MAGEC3: variants seen among roughly 807,000 people sequenced by gnomAD.
MAGEC3 encodes MAGE family member C3, also known as melanoma-associated antigen C3.
MAGEC3 carries 34 observed loss-of-function variants against 35.3 expected under a neutral mutation model. The observed-to-expected ratio is 0.96, with a 90% CI of 0.73 to 1.28. MAGEC3 has a LOEUF of 1.28. Among genes scored for constraint, MAGEC3 ranks in the 50% most tolerant of loss-of-function variants. The probability of loss-of-function intolerance (pLI) is 0.00; values close to 1 mark genes in which losing one functional copy is unlikely to be tolerated. For missense variants in MAGEC3, 561 were observed against 483.6 expected, an observed-to-expected ratio of 1.16 and a Z score of -1.50; for synonymous variants, 202 against 185.6, an observed-to-expected ratio of 1.09 and a Z score of -0.72.
chrX:141,875,672 G>T (rs1169355446), intron 2 of MAGEC3, among the ~76,000 whole-genome samples: 2 of 111,867 alleles, frequency 1.8e-5, no homozygotes, highest in African/African-American at 3.3e-5. Flanking sequence ...CCAATACCAG[G>T]AGGTAAAAGA....
chrX:141,840,218 A>G, intron 1 of MAGEC3, among the ~76,000 whole-genome samples: 1 of 111,980 alleles, frequency 8.9e-6, no homozygotes, highest in East Asian at 2.8e-4. Context: ...CATTCATAGC[A>G]TCACAAACCA....
chrX:141,850,692 G>A (rs1018989747), intron 1 of MAGEC3, among the ~76,000 whole-genome samples: 2 of 111,444 alleles, frequency 1.8e-5, no homozygotes, highest in African/African-American at 6.5e-5. Context: ...TGGGCAGTAT[G>A]CCCCAGACAA....
intron 2 of MAGEC3, among the ~76,000 whole-genome samples, chrX:141,871,942 G>A (rs1024678514): frequency 1.6e-4 from 18 of 109,250 alleles, no homozygotes; most frequent in African/African-American, 3.3e-4. Flanking sequence ...GGCAATGAGC[G>A]GGTGCAGGGG....
chrX:141,867,745 A>C (rs1160028425), intron 2 of MAGEC3, among the ~76,000 whole-genome samples: 2 of 94,379 alleles, frequency 2.1e-5, no homozygotes, highest in Non-Finnish European at 4.4e-5. Flanking sequence ...GTCCTCCTGC[A>C]AATAGTAGAG....
chrX:141,862,198 A>C lies in MAGEC3; in HGVS notation c.124-3273A>C, dbSNP rs73238534. Among the ~76,000 whole-genome samples the C allele has an allele frequency of 4.3e-3, 478 of 111,580 alleles. 3 individuals carry two copies. Among genetic ancestry groups the C allele is most frequent in the Non-Finnish European group, 7.0e-3 (370 of 52,999 alleles). On this transcript the variant is annotated intron_variant, in intron 1 of 7. Coordinates refer to ENST00000298296, the MANE Select transcript of MAGEC3 (RefSeq NM_138702.1). The stretch of plus-strand genomic sequence containing the variant: ...ATGGGAAAAATGCTTAATATCTCTA[A>C]GCATCAGGTAAATACAGATCAAAAC...
In MAGEC3 at chrX:141,897,165, C is replaced by G; in HGVS notation, c.1407C>G (p.Leu469=). Residue 469 remains leucine, a synonymous_variant, in exon 7 of 8, where the codon CTC becomes CTG. Coordinates refer to ENST00000298296, the MANE Select transcript of MAGEC3 (RefSeq NM_138702.1). The stretch of plus-strand genomic sequence containing the variant: ...CTGAGTTGGTGCAGTTTCTTCTCCT[C>G]AAATATCAAACAAAAGAGCCTGTCA... The part of the protein sequence containing the change: ...KVAELVQFLL[L]KYQTKEPVTK... 4 of 1,211,886 alleles carry G rather than the reference C, an allele frequency of 3.3e-6. No homozygotes were observed. The highest frequency in any genetic ancestry group is 3.5e-5 in the South Asian group (2 of 56,943).
chrX:141,881,972 G>C (rs1447044486), intron 4 of MAGEC3, among the ~76,000 whole-genome samples, 176 bp downstream of exon 4: 1 of 111,890 alleles, frequency 8.9e-6, no homozygotes, highest in Non-Finnish European at 1.9e-5. Flanking sequence ...AAAGTAGTGA[G>C]ATTTTGGTCA....
At chrX:141,890,162 A>C (rs1356958952) in intron 4 of MAGEC3, among the ~76,000 whole-genome samples, 1 of 111,291 alleles carries the variant, frequency 9.0e-6, no homozygotes, top group Non-Finnish European at 1.9e-5. Context: ...CTGTCCTATT[A>C]GTTCTGTCCC....
At chrX:141,894,381 G>T (rs1005073739) in intron 4 of MAGEC3, among the ~76,000 whole-genome samples, 1 of 111,829 alleles carries the variant, frequency 8.9e-6, no homozygotes, top group African/African-American at 3.3e-5. Flanking sequence ...AAAAGATCAC[G>T]CACAGGCTGC....
intron 2 of MAGEC3, among the ~76,000 whole-genome samples, chrX:141,875,800 C>T (rs1390001083): frequency 8.9e-6 from 1 of 112,179 alleles, no homozygotes; most frequent in Non-Finnish European, 1.9e-5. Flanking sequence ...AATTTACCCA[C>T]CAGCTGCCTC....
intron 4 of MAGEC3, among the ~76,000 whole-genome samples, chrX:141,884,267 G>A (rs1233543334): frequency 8.9e-6 from 1 of 111,929 alleles, no homozygotes; most frequent in Non-Finnish European, 1.9e-5. Flanking sequence ...TAAAAAGCAG[G>A]CAGAAGAATG....
At chrX:141,852,976 G>T (rs368415273) in intron 1 of MAGEC3, among the ~76,000 whole-genome samples, 3 of 111,562 alleles carry the variant, frequency 2.7e-5, no homozygotes, top group East Asian at 5.7e-4. Flanking sequence ...TTTTCTAAAA[G>T]ATTCATGGTA....
chrX:141,841,984 C>A (rs1383053196), intron 1 of MAGEC3, among the ~76,000 whole-genome samples: 2 of 110,941 alleles, frequency 1.8e-5, no homozygotes, highest in Admixed American at 9.6e-5. Flanking sequence ...TATTTTTGGG[C>A]CACGAAAATG....
intron 4 of MAGEC3, among the ~76,000 whole-genome samples, chrX:141,892,556 CAG>C (rs915559612): frequency 2.7e-5 from 3 of 110,894 alleles, no homozygotes; most frequent in Non-Finnish European, 5.7e-5. Flanking sequence ...CTCACATTAA[CAG>C]AGGAAATTAT....
intron 1 of MAGEC3, among the ~76,000 whole-genome samples, chrX:141,857,107 C>G (rs1227126875): frequency 9.1e-6 from 1 of 110,458 alleles, no homozygotes; most frequent in Non-Finnish European, 1.9e-5. Flanking sequence ...ATCATCGACC[C>G]TTTTATGTGC....
rs768238302 is a variant in MAGEC3 at position 141,896,974 on chromosome X, GGTCCTCCGCAGAGTCCTCCCCAGA to G, written c.1223_1246del (p.Pro408_Pro415del). On this transcript the variant is annotated inframe_deletion, in exon 7 of 8. Coordinates refer to ENST00000298296, the MANE Select transcript of MAGEC3 (RefSeq NM_138702.1). ...GGGTCCTCCCAAGATCTCTCCCCAGGGTCCTCCGCAGAGTCCTCCCCAGAGTCCTCTAGACTCCTGCTCATCCCC... is the reference window on the plus strand; with the variant it reads ...GGGTCCTCCCAAGATCTCTCCCCAGGGTCCTCTAGACTCCTGCTCATCCCC... 5 of 1,200,146 alleles carry G rather than the reference GGTCCTCCGCAGAGTCCTCCCCAGA, an allele frequency of 4.2e-6. No individual in the cohort carries two copies. Among genetic ancestry groups the G allele is most frequent in the Non-Finnish European group, 4.5e-6 (4 of 889,604 alleles).
chrX:141,867,294 G>A (rs1271253315), intron 2 of MAGEC3, among the ~76,000 whole-genome samples: 9 of 111,893 alleles, frequency 8.0e-5, no homozygotes, highest in Non-Finnish European at 1.9e-5. Context: ...CATACAGTGG[G>A]CCCCAGTAAA....
At chrX:141,874,943 CTA>C (rs1474023535) in intron 2 of MAGEC3, among the ~76,000 whole-genome samples, 1 of 111,331 alleles carries the variant, frequency 9.0e-6, no homozygotes, top group African/African-American at 3.3e-5. Context: ...GAAGGGATCT[CTA>C]TGACATTTTA....
chrX:141,867,243 G>A (rs2017854926), intron 2 of MAGEC3, among the ~76,000 whole-genome samples: 1 of 112,028 alleles, frequency 8.9e-6, no homozygotes, highest in Admixed American at 9.5e-5. Flanking sequence ...AAACAGGAAA[G>A]GTGGCTTGAC....
Sources: allele counts gnomAD v4.1 joint callset (sites outside exome capture counted in the v4.1 genomes callset), GRCh38; gene constraint gnomAD v4.1.1; transcripts MANE v1.5; gene names NCBI Gene and HGNC (gene_info 2026-07-23, HGNC 2026-07-21).